Variants in BPTF observed in about 807,000 individuals in gnomAD.
BPTF encodes bromodomain PHD finger transcription factor.
A neutral mutation model predicts 292.5 loss-of-function variants in BPTF; 18 were observed. That is an observed-to-expected ratio of 0.06 (90% confidence interval 0.04 to 0.09). The LOEUF (loss-of-function observed/expected upper bound fraction) is 0.09. Among genes scored for constraint, BPTF ranks in the 10% least tolerant of loss-of-function variants. BPTF has a pLI of 1.00. For synonymous variants in BPTF, 1,225 were observed against 1,251.9 expected (o/e 0.98, Z 0.45); for missense variants, 2,726 against 3,498.7 (o/e 0.78, Z 5.57).
rs1179955829 is a variant in BPTF at position 67,920,159 on chromosome 17, C to A, written c.5557+16C>A. ...ACACCAAAAGGTAAGAAATAGAATT[C>A]TATTCTTTCATGATTAACCTGTTAA... On this transcript the variant is annotated intron_variant, in intron 13 of 27. Coordinates refer to ENST00000306378, the MANE Select transcript of BPTF (RefSeq NM_182641.4). 6.2e-7 allele frequency: 1 copy of A among 1,603,490 alleles called. No individual in the cohort carries two copies. Among genetic ancestry groups the A allele is most frequent in the African/African-American group, 1.3e-5 (1 of 74,470 alleles).
chr17:67,875,807 G>A (rs905623472), intron 4 of BPTF: 3 of 1,303,436 alleles, frequency 2.3e-6, no homozygotes, highest in Non-Finnish European at 2.0e-6. Context: ...TGTAGTAAAA[G>A]CCGAATGTCA....
At chr17:67,973,078 A>T (rs1193402632) in intron 26 of BPTF, among the ~76,000 whole-genome samples, 7 of 144,632 alleles carry the variant, frequency 4.8e-5, no homozygotes, top group African/African-American at 1.0e-4. Context: ...ATATATATAT[A>T]ATATATATAT....
chr17:67,862,879 A>G (rs1227566944), intron 2 of BPTF, among the ~76,000 whole-genome samples: 3 of 148,898 alleles, frequency 2.0e-5, no homozygotes, highest in Non-Finnish European at 3.0e-5. Flanking sequence ...TGCTGGCAGC[A>G]TAATTCCAAT....
chr17:67,913,130 C>G lies in BPTF; in HGVS notation c.5246C>G (p.Pro1749Arg). 1 of 1,614,022 alleles carries G rather than the reference C, an allele frequency of 6.2e-7. No homozygotes were observed. The highest frequency in any genetic ancestry group is 8.5e-7 in the Non-Finnish European group (1 of 1,179,994). The change falls in exon 11 of 28, where the codon CCT (proline) becomes CGT (arginine). Residue 1749 changes from proline (P) to arginine (R), a missense_variant. Pro to Arg is a moderately radical substitution (Grantham distance 103). This residue lies in a region of BPTF where 36 missense variants were observed against 34.7 expected (regional missense o/e 1.04). Coordinates refer to ENST00000306378, the MANE Select transcript of BPTF (RefSeq NM_182641.4). Reference protein sequence around the residue: ...EVPYFNYNAKPALDIWPYPSP... With the variant: ...EVPYFNYNAKRALDIWPYPSP... The stretch of plus-strand genomic sequence containing the variant: ...CCTTATTTTAATTACAATGCAAAAC[C>G]TGCTTTGGATATATGGCCATATCCT...
chr17:67,861,494 T>A (rs1243510609), intron 2 of BPTF, among the ~76,000 whole-genome samples: 1 of 152,052 alleles, frequency 6.6e-6, no homozygotes, highest in Non-Finnish European at 1.5e-5. Flanking sequence ...TTTTGTATTT[T>A]TAGTAGAGAC....
chr17:67,927,027 A>G (rs897170001), intron 15 of BPTF, among the ~76,000 whole-genome samples: 2 of 151,996 alleles, frequency 1.3e-5, no homozygotes, highest in Admixed American at 6.6e-5. Context: ...TTTATATTAT[A>G]TTCAGGTATA....
At position 67,917,131 on chromosome 17, in the gene BPTF, C is replaced by CTTTTTTTTTTTTTTTTTTTTTTTTT. The variant is rs943348736; in HGVS notation, c.5304-1564_5304-1563insTTTTTTTTTTTTTTTTTTTTTTTTT. The stretch of plus-strand genomic sequence containing the variant: ...GATAAGTAACTAATATGGTATTGTC[C>CTTTTTTTTTTTTTTTTTTTTTTTTT]TTTTTTTTTTTTTTTTTTTGAGATA... On this transcript the variant is annotated intron_variant, in intron 11 of 27. Transcript: ENST00000306378. Among the ~76,000 whole-genome samples, 110 of 105,768 alleles carry CTTTTTTTTTTTTTTTTTTTTTTTTT rather than the reference C, an allele frequency of 1.0e-3. 12 individuals carry two copies. The East Asian group carries it at 0.011, about 11-fold the overall frequency. The allele number at this position is 105,768 out of a possible 152,430, so 69.4% of individuals were successfully genotyped here. A position where few individuals can be genotyped will look rare whatever the true frequency, so the allele number is the denominator to read the frequency against.
In BPTF at chr17:67,825,980, A is replaced by G. The variant is rs915967803; in HGVS notation, c.256A>G (p.Ser86Gly). 2 of 977,958 alleles carry G rather than the reference A, an allele frequency of 2.0e-6. No homozygotes were observed. Among genetic ancestry groups the G allele is most frequent in the Admixed American group, 5.7e-5 (1 of 17,538 alleles). The allele number at this position is 977,958 out of a possible 1,614,324, so 60.6% of individuals were successfully genotyped here. A position where few individuals can be genotyped will look rare whatever the true frequency, so the allele number is the denominator to read the frequency against. Reference protein sequence around the residue: ...KPPPPPPAPPSTSAPGRGGRG... With the variant: ...KPPPPPPAPPGTSAPGRGGRG... ...GCCGCCGCCGCCGCCGGCCCCCCCC[A>G]GCACCAGCGCCCCGGGCCGGGGGGG... The change falls in exon 1 of 28, where the codon AGC (serine) becomes GGC (glycine). Residue 86 changes from serine (S) to glycine (G), a missense_variant. By Grantham distance (56) the Ser-to-Gly change is moderately conservative. This residue lies in a region of BPTF where 103 missense variants were observed against 72.1 expected (regional missense o/e 1.43). Transcript: ENST00000306378.
At position 67,825,680 on chromosome 17, in the gene BPTF, G is replaced by A; in HGVS notation, c.-45G>A. The A allele has an allele frequency of 1.8e-5, 2 of 110,100 alleles. No individual in the cohort carries two copies. The highest frequency in any genetic ancestry group is 3.1e-5 in the Non-Finnish European group (2 of 64,556). 6.8% of individuals were successfully genotyped at this position (110,100 alleles called of 1,614,324 possible). A position where few individuals can be genotyped will look rare whatever the true frequency, so the allele number is the denominator to read the frequency against. ...GCTCCCCACCGCCCCCCCTGCGCCC[G>A]CCCCTCCCCCTTCGCTTTCCTTCTC... is the stretch of plus-strand genomic sequence containing the variant. On this transcript the variant is annotated 5_prime_UTR_variant, in exon 1 of 28. Transcript: ENST00000306378.
chr17:67,879,704 G>A (rs2060274130), intron 4 of BPTF, among the ~76,000 whole-genome samples: 1 of 152,256 alleles, frequency 6.6e-6, no homozygotes, highest in Middle Eastern at 3.4e-3. Flanking sequence ...CACTAATGAC[G>A]GAAGGGGAAA....
intron 15 of BPTF, among the ~76,000 whole-genome samples, chr17:67,926,196 T>A (rs1032548902): frequency 6.6e-6 from 1 of 151,148 alleles, no homozygotes; most frequent in Admixed American, 6.6e-5. Flanking sequence ...TTTGTAGAGA[T>A]AGGACTTTTG....
chr17:67,976,099 C>G (rs1340572801), intron 27 of BPTF, 141 bp downstream of exon 27: 8 of 628,054 alleles, frequency 1.3e-5, no homozygotes, highest in African/African-American at 5.7e-5. Flanking sequence ...AATCAAGACT[C>G]CAGGGTTATG....
chr17:67,954,400 A>T (rs1411587168), intron 23 of BPTF, among the ~76,000 whole-genome samples: 1 of 151,960 alleles, frequency 6.6e-6, no homozygotes, highest in Non-Finnish European at 1.5e-5. Flanking sequence ...GCTTATTTTG[A>T]GTGAGAGGAG....
intron 1 of BPTF, among the ~76,000 whole-genome samples, chr17:67,849,421 C>A (rs1471529317): frequency 2.0e-5 from 3 of 152,180 alleles, no homozygotes; most frequent in Non-Finnish European, 4.4e-5. Flanking sequence ...ATGCCAGTCA[C>A]TTGTCGAGTA....
intron 25 of BPTF, 150 bp downstream of exon 25, chr17:67,964,554 A>C: frequency 2.2e-6 from 2 of 902,694 alleles, no homozygotes; most frequent in Non-Finnish European, 3.2e-6. Flanking sequence ...GCAGTCCTTC[A>C]CGTACCAGTG....
chr17:67,941,607 A>G (rs2065372285), intron 19 of BPTF, among the ~76,000 whole-genome samples: 1 of 152,234 alleles, frequency 6.6e-6, no homozygotes, highest in Non-Finnish European at 1.5e-5. Context: ...GTGACATTGC[A>G]GATCATTGAG....
intron 19 of BPTF, among the ~76,000 whole-genome samples, chr17:67,941,092 T>G (rs1379272099): frequency 6.6e-6 from 1 of 152,246 alleles, no homozygotes; most frequent in Non-Finnish European, 1.5e-5. Context: ...AGGTACAAAG[T>G]ATTAAGAATA....
chr17:67,930,031 G>A (rs373360978), intron 17 of BPTF, among the ~76,000 whole-genome samples: 286 of 151,602 alleles, frequency 1.9e-3, no homozygotes, highest in African/African-American at 6.7e-3. Context: ...TGGGAGGATG[G>A]CTTGAGCCTG....
intron 23 of BPTF, chr17:67,951,713 A>C (rs1400958218): frequency 6.6e-6 from 1 of 152,180 alleles, no homozygotes; most frequent in Non-Finnish European, 1.5e-5. Context: ...ATTCATATAT[A>C]AACCTGTTTT....
Sources: gnomAD v4.1 joint callset for allele counts (sites outside exome capture counted in the v4.1 genomes callset) on GRCh38, gnomAD v4.1.1 for gene constraint, gnomAD v4.1.1 regional missense constraint, MANE v1.5 for transcripts, NCBI Gene and HGNC (gene_info 2026-07-23, HGNC 2026-07-21) for gene names.